The following FBXL7 variants were observed in gnomAD, a reference collection of about 807,000 sequenced individuals.
The protein encoded by FBXL7 is F-box/LRR-repeat protein 7.
In FBXL7, 12 loss-of-function variants were observed where a neutral mutation model predicts 38.3. That is an observed-to-expected ratio of 0.31 (90% CI 0.20 to 0.51). FBXL7 has a LOEUF of 0.51. FBXL7 is among the 20% of genes least tolerant of loss of function. FBXL7 has a pLI of 0.98. For missense variants in FBXL7, 567 were observed against 676.4 expected (o/e 0.84, Z 1.79); for synonymous variants, 297 against 300.9 (o/e 0.99, Z 0.13).
intron 2 of FBXL7, among the ~76,000 whole-genome samples, chr5:15,686,705 CT>C (rs375831056): frequency 1.6e-4 from 25 of 152,234 alleles, no homozygotes; most frequent in African/African-American, 5.8e-4. Flanking sequence ...GTGAAATGGA[CT>C]GTTTTTGTTC....
At chr5:15,610,802 C>T (rs1740206738) in intron 1 of FBXL7, among the ~76,000 whole-genome samples, 1 of 152,178 alleles carries the variant, frequency 6.6e-6, no homozygotes. Context: ...TCACACTACC[C>T]TAAGTACTCA....
At chr5:15,761,389 T>G (rs1326076435) in intron 2 of FBXL7, among the ~76,000 whole-genome samples, 1 of 152,198 alleles carries the variant, frequency 6.6e-6, no homozygotes, top group Non-Finnish European at 1.5e-5. Context: ...GTGTCTGGGC[T>G]TCCCAATTCT....
intron 1 of FBXL7, chr5:15,501,860 A>ATGTGTGTG (rs919218470): frequency 2.9e-6 from 1 of 347,900 alleles, no homozygotes; most frequent in Admixed American, 7.1e-5. Flanking sequence ...CCATATGTGC[A>ATGTGTGTG]TGTGTATGTG....
intron 2 of FBXL7, among the ~76,000 whole-genome samples, chr5:15,738,123 G>A (rs766209289): frequency 3.3e-5 from 5 of 152,234 alleles, no homozygotes; most frequent in Admixed American, 2.6e-4. Context: ...AGGAGGCATA[G>A]TATGATAATT....
At chr5:15,906,427 C>A (rs1334446697) in intron 2 of FBXL7, among the ~76,000 whole-genome samples, 2 of 117,496 alleles carry the variant, frequency 1.7e-5, no homozygotes, top group African/African-American at 6.8e-5. Flanking sequence ...ACATAGTTGA[C>A]CTAGAAGGAT....
chr5:15,589,293 G>A (rs1397688752), intron 1 of FBXL7, among the ~76,000 whole-genome samples: 1 of 152,114 alleles, frequency 6.6e-6, no homozygotes, highest in Non-Finnish European at 1.5e-5. Context: ...AATGTTGGAG[G>A]AGGAGACTTG....
chr5:15,777,322 A>G (rs563329915), intron 2 of FBXL7, among the ~76,000 whole-genome samples: 11 of 152,208 alleles, frequency 7.2e-5, no homozygotes, highest in Admixed American at 5.9e-4. Context: ...AAGCTTTATT[A>G]TATCAAATAA....
At chr5:15,543,130 C>T (rs1306855765) in intron 1 of FBXL7, among the ~76,000 whole-genome samples, 1 of 152,164 alleles carries the variant, frequency 6.6e-6, no homozygotes, top group Non-Finnish European at 1.5e-5. Flanking sequence ...AGTCTGTTCT[C>T]ATGCTGCTAA....
intron 2 of FBXL7, among the ~76,000 whole-genome samples, chr5:15,632,185 T>C (rs1741020560): frequency 6.6e-6 from 1 of 152,228 alleles, no homozygotes. Context: ...CAAATGGGGA[T>C]ATAATATGTT....
At chr5:15,539,715 T>A (rs1737682830) in intron 1 of FBXL7, among the ~76,000 whole-genome samples, 1 of 151,572 alleles carries the variant, frequency 6.6e-6, no homozygotes, top group African/African-American at 2.4e-5. Context: ...TCCAGCTAAA[T>A]CTCCTAGGCT....
chr5:15,526,391 A>C (rs1351944340), intron 1 of FBXL7, among the ~76,000 whole-genome samples: 1 of 152,134 alleles, frequency 6.6e-6, no homozygotes, highest in Non-Finnish European at 1.5e-5. Flanking sequence ...ATTCACATAC[A>C]CCTTGTCTGG....
chr5:15,731,941 C>T lies in FBXL7; in HGVS notation c.127+115869C>T, dbSNP rs559518257. 6.6e-5 allele frequency among the ~76,000 whole-genome samples: 10 copies of T among 152,254 alleles called. No individual in the cohort carries two copies. The East Asian group carries it at 1.9e-3, about 29-fold the overall frequency. ...GAAACAACAAGCATGTCAAGTCTCA[C>T]TTCAGGACTGAACAAAGTTATCTCT... On this transcript the variant is annotated intron_variant, in intron 2 of 3. Coordinates refer to ENST00000504595, the MANE Select transcript of FBXL7 (RefSeq NM_012304.5).
At chr5:15,547,870 G>A (rs1013330031) in intron 1 of FBXL7, among the ~76,000 whole-genome samples, 28 of 152,208 alleles carry the variant, frequency 1.8e-4, no homozygotes, top group African/African-American at 6.5e-4. Context: ...TTACCTGGAG[G>A]ATTGTCCTTT....
intron 1 of FBXL7, chr5:15,580,671 T>G (rs993161443): frequency 3.0e-6 from 3 of 985,248 alleles, no homozygotes; most frequent in Admixed American, 1.2e-4. Context: ...ACATGAAAAT[T>G]AACCTCTGGG....
At chr5:15,897,087 T>A (rs1741120855) in intron 2 of FBXL7, among the ~76,000 whole-genome samples, 1 of 152,180 alleles carries the variant, frequency 6.6e-6, no homozygotes, top group Non-Finnish European at 1.5e-5. Context: ...GAACTGAGAT[T>A]GTGCCACTGC....
chr5:15,654,230 A>T (rs1741801613), intron 2 of FBXL7, among the ~76,000 whole-genome samples: 1 of 152,186 alleles, frequency 6.6e-6, no homozygotes, highest in Non-Finnish European at 1.5e-5. Context: ...TAGTTCTTCA[A>T]ATCAGGACAG....
At chr5:15,674,582 A>C (rs1480155772) in intron 2 of FBXL7, among the ~76,000 whole-genome samples, 1 of 152,162 alleles carries the variant, frequency 6.6e-6, no homozygotes, top group Non-Finnish European at 1.5e-5. Flanking sequence ...GTTCATTATC[A>C]TAACTCATAG....
At chr5:15,649,901 C>G (rs959935199) in intron 2 of FBXL7, among the ~76,000 whole-genome samples, 1 of 152,164 alleles carries the variant, frequency 6.6e-6, no homozygotes, top group African/African-American at 2.4e-5. Context: ...TCATCCACTT[C>G]AGGTGGTAAG....
At chr5:15,659,491 C>T (rs934643148) in intron 2 of FBXL7, among the ~76,000 whole-genome samples, 2 of 152,090 alleles carry the variant, frequency 1.3e-5, no homozygotes, top group East Asian at 3.8e-4. Context: ...ACAATTAAAA[C>T]GTGACTATTC....
Sources: allele counts gnomAD v4.1 joint callset (sites outside exome capture counted in the v4.1 genomes callset), GRCh38; gene constraint gnomAD v4.1.1; transcripts MANE v1.5; gene names NCBI Gene and HGNC (gene_info 2026-07-23, HGNC 2026-07-21).